PIWIL2: variants seen among roughly 807,000 people sequenced by gnomAD.
PIWIL2 encodes the protein piwi-like protein 2.
A neutral mutation model predicts 116.5 loss-of-function variants in PIWIL2; 81 were observed. That is an observed-to-expected ratio of 0.70 (90% confidence interval 0.58 to 0.84). The LOEUF (loss-of-function observed/expected upper bound fraction) is 0.84. Ranked by LOEUF, PIWIL2 falls within the 40% of genes least tolerant of loss-of-function variation. The pLI is 0.00. For synonymous variants in PIWIL2, 489 were observed against 429.5 expected (o/e 1.14, Z -1.71); for missense variants, 1,272 against 1,212.3 (o/e 1.05, Z -0.73).
At chr8:22,291,162 T>C (rs1350814648) in intron 10 of PIWIL2, among the ~76,000 whole-genome samples, 1 of 151,402 alleles carries the variant, frequency 6.6e-6, no homozygotes, top group East Asian at 1.9e-4. Flanking sequence ...TTTCTTTTTT[T>C]TTTTCTGAGA....
chr8:22,278,176 A>AG (rs1830421321), intron 1 of PIWIL2, among the ~76,000 whole-genome samples: 3 of 151,258 alleles, frequency 2.0e-5, no homozygotes. Flanking sequence ...CTAAAAAAAA[A>AG]AGGGGGGGAG....
At chr8:22,340,658 A>G (rs1014503564) in intron 20 of PIWIL2, among the ~76,000 whole-genome samples, 2 of 152,168 alleles carry the variant, frequency 1.3e-5, no homozygotes, top group African/African-American at 2.4e-5. Flanking sequence ...CAAGCCAGAA[A>G]CACCAAGGAT....
intron 20 of PIWIL2, among the ~76,000 whole-genome samples, chr8:22,336,642 C>T (rs920610641): frequency 6.6e-6 from 1 of 152,110 alleles, no homozygotes; most frequent in Non-Finnish European, 1.5e-5. Context: ...TGCAGTGGCT[C>T]ATGCTTGTAG....
chr8:22,297,124 G>A (rs1253488278), intron 10 of PIWIL2, among the ~76,000 whole-genome samples: 1 of 151,688 alleles, frequency 6.6e-6, no homozygotes, highest in African/African-American at 2.4e-5. Flanking sequence ...AAGTAGCTGG[G>A]ACTACAGGGA....
intron 14 of PIWIL2, among the ~76,000 whole-genome samples, chr8:22,308,882 C>G (rs919890049): frequency 6.6e-6 from 1 of 152,080 alleles, no homozygotes; most frequent in Non-Finnish European, 1.5e-5. Context: ...AGCTCCTGAC[C>G]TCAAATGATC....
chr8:22,354,932 T>C lies in PIWIL2; in HGVS notation c.2766-417T>C, dbSNP rs1586605868. Reference sequence around the variant, plus strand: ...TAAAAATAGAAAAATTAGCTGGGTGTGGTGGCGCATGCCTATAATCCCAGC... The same window carrying C: ...TAAAAATAGAAAAATTAGCTGGGTGCGGTGGCGCATGCCTATAATCCCAGC... On this transcript the variant is annotated intron_variant, in intron 22 of 22. Transcript: ENST00000356766. Among the ~76,000 whole-genome samples, 6 of 151,958 alleles carry C rather than the reference T, an allele frequency of 3.9e-5. No homozygotes were observed. In the Middle Eastern group the frequency reaches 0.01, roughly 258 times the overall value.
intron 15 of PIWIL2, 89 bp from the exon 16 acceptor site, chr8:22,311,023 A>G: frequency 8.8e-7 from 1 of 1,131,322 alleles, no homozygotes; most frequent in Non-Finnish European, 1.3e-6. Flanking sequence ...TGAGAGTGAA[A>G]AGTAATTTAT....
intron 20 of PIWIL2, among the ~76,000 whole-genome samples, chr8:22,318,790 C>G (rs1271640063): frequency 6.6e-6 from 1 of 152,176 alleles, no homozygotes; most frequent in Non-Finnish European, 1.5e-5. Context: ...GAGCTAAATG[C>G]TTTCATTTGG....
At chr8:22,306,634 G>T (rs1028661454) in intron 13 of PIWIL2, among the ~76,000 whole-genome samples, 1 of 152,186 alleles carries the variant, frequency 6.6e-6, no homozygotes, top group South Asian at 2.1e-4. Flanking sequence ...CCTCTCTGCT[G>T]CCTCACTTTC....
At position 22,356,865 on chromosome 8, in the gene PIWIL2, C is replaced by G. The variant is rs1832500967; in HGVS notation, c.*1360C>G. 6.6e-6 allele frequency: 1 copy of G among 151,970 alleles called. No homozygotes were observed. The highest frequency in any genetic ancestry group is 1.5e-5 in the Non-Finnish European group (1 of 67,982). 9.4% of individuals were successfully genotyped at this position (151,970 alleles called of 1,614,324 possible). ...CGTTTTTTTCTGGTTTTTTTTCCCC[C>G]CTCTCCATTTTAGAATCTTCTCCCA... On this transcript the variant is annotated 3_prime_UTR_variant, in exon 23 of 23. Coordinates refer to ENST00000356766, the MANE Select transcript of PIWIL2 (RefSeq NM_018068.5).
chr8:22,291,908 A>C (rs996779399), intron 10 of PIWIL2, among the ~76,000 whole-genome samples: 1 of 152,200 alleles, frequency 6.6e-6, no homozygotes, highest in African/African-American at 2.4e-5. Context: ...GAGCCATGGA[A>C]AAAAGAAAAA....
At chr8:22,317,919 C>G (rs941416753) in intron 19 of PIWIL2, among the ~76,000 whole-genome samples, 1 of 152,110 alleles carries the variant, frequency 6.6e-6, no homozygotes, top group African/African-American at 2.4e-5. Flanking sequence ...CCTTGGCCTC[C>G]CAAAGTGCTG....
At chr8:22,332,558 A>T (rs1831886028) in intron 20 of PIWIL2, among the ~76,000 whole-genome samples, 1 of 152,094 alleles carries the variant, frequency 6.6e-6, no homozygotes, top group Non-Finnish European at 1.5e-5. Flanking sequence ...TGTTGAGGGT[A>T]AAGATAAATA....
chr8:22,299,217 CT>C (rs994262565), intron 10 of PIWIL2, among the ~76,000 whole-genome samples: 14 of 143,302 alleles, frequency 9.8e-5, no homozygotes, highest in African/African-American at 1.0e-4. Context: ...TCTTTTTTTT[CT>C]TTTTTTTTTG....
intron 20 of PIWIL2, among the ~76,000 whole-genome samples, chr8:22,323,617 A>C (rs117805366): frequency 6.6e-6 from 1 of 152,188 alleles, no homozygotes; most frequent in African/African-American, 2.4e-5. Context: ...CAGCATCATC[A>C]TAAGACTTGT....
intron 6 of PIWIL2, 45 bp downstream of exon 6, chr8:22,284,317 T>C: frequency 1.0e-6 from 1 of 971,282 alleles, no homozygotes; most frequent in Non-Finnish European, 1.6e-6. Context: ...TAAAGGGCAG[T>C]AAAAAAAATA....
intron 18 of PIWIL2, among the ~76,000 whole-genome samples, chr8:22,315,502 A>C (rs1489593298): frequency 2.0e-5 from 3 of 151,874 alleles, no homozygotes; most frequent in Non-Finnish European, 2.9e-5. Context: ...TTTTTAGTAC[A>C]GATGGGATTT....
At chr8:22,341,222 A>G (rs191519571) in intron 20 of PIWIL2, among the ~76,000 whole-genome samples, 16 of 152,106 alleles carry the variant, frequency 1.1e-4, no homozygotes, top group African/African-American at 3.1e-4. Context: ...CAATCCATCC[A>G]TCAACAGGCT....
chr8:22,315,536 C>G (rs1170921172), intron 18 of PIWIL2, among the ~76,000 whole-genome samples: 1 of 152,132 alleles, frequency 6.6e-6, no homozygotes, highest in East Asian at 1.9e-4. Context: ...AGGCTGGTCT[C>G]AAACTCCTGA....
Sources: gnomAD v4.1 joint callset for allele counts (sites outside exome capture counted in the v4.1 genomes callset) on GRCh38, gnomAD v4.1.1 for gene constraint, MANE v1.5 for transcripts, NCBI Gene and HGNC (gene_info 2026-07-23, HGNC 2026-07-21) for gene names.